Variants in CALN1 observed in about 807,000 individuals in gnomAD.
CALN1 encodes the protein calneuron 1.
Under a neutral mutation model 30.6 loss-of-function variants are expected in CALN1, and 17 were observed. The ratio of observed to expected loss-of-function variants is 0.56; its 90% CI spans 0.38 to 0.83. The LOEUF is 0.83. Ranked by LOEUF, CALN1 falls within the 40% of genes least tolerant of loss-of-function variation. CALN1 has a pLI of 0.00. For missense variants in CALN1, 291 were observed against 354.9 expected, an observed-to-expected ratio of 0.82 and a Z score of 1.45; for synonymous variants, 156 against 131.4, an observed-to-expected ratio of 1.19 and a Z score of -1.28.
intron 2 of CALN1, among the ~76,000 whole-genome samples, chr7:72,328,273 C>A (rs908770881): frequency 3.3e-5 from 5 of 152,104 alleles, no homozygotes; most frequent in Admixed American, 1.3e-4. Flanking sequence ...AAGGGTGGGG[C>A]CAGGTGGAGA....
intron 3 of CALN1, among the ~76,000 whole-genome samples, chr7:72,242,518 C>T (rs1016449538): frequency 3.9e-5 from 6 of 152,132 alleles, no homozygotes; most frequent in African/African-American, 1.4e-4. Context: ...TTTTTACCTA[C>T]TCATAAACAA....
intron 2 of CALN1, among the ~76,000 whole-genome samples, chr7:72,302,098 G>A (rs1486140307): frequency 6.6e-6 from 1 of 152,110 alleles, no homozygotes; most frequent in Non-Finnish European, 1.5e-5. Context: ...GATGAAATAG[G>A]AGAGAAAATT....
intron 5 of CALN1, among the ~76,000 whole-genome samples, chr7:71,983,834 T>C (rs1463498325): frequency 1.3e-5 from 2 of 152,120 alleles, no homozygotes; most frequent in Non-Finnish European, 2.9e-5. Context: ...ACCCAGCTGA[T>C]TGGATGCTTT....
chr7:71,886,639 G>T (rs1450523227), intron 5 of CALN1, among the ~76,000 whole-genome samples: 2 of 152,066 alleles, frequency 1.3e-5, no homozygotes, highest in Non-Finnish European at 2.9e-5. Context: ...CAGGCTTGGT[G>T]GTGGGCGCCT....
Position 72,280,118 on chromosome 7 carries a change from AC to A in CALN1, c.120-1309del, listed in dbSNP as rs149502457. ...CCAGACATTTCCACCCGGATGTCAA[AC>A]CCTCATTTCAAACTCAAAATGTCTA... On this transcript the variant is annotated intron_variant, in intron 2 of 6. Transcript: ENST00000395275. Among the ~76,000 whole-genome samples the A allele has an allele frequency of 3.2e-4, 48 of 152,314 alleles. No individual in the cohort carries two copies. In the East Asian group the frequency reaches 8.9e-3, roughly 28 times the overall value.
chr7:71,972,275 G>A (rs947800491), intron 5 of CALN1, among the ~76,000 whole-genome samples: 5 of 152,144 alleles, frequency 3.3e-5, no homozygotes, highest in Non-Finnish European at 7.3e-5. Flanking sequence ...TTTTTCAATA[G>A]TGGGCGTTTG....
At chr7:72,340,235 G>C (rs558737556) in intron 2 of CALN1, among the ~76,000 whole-genome samples, 2 of 152,102 alleles carry the variant, frequency 1.3e-5, no homozygotes, top group African/African-American at 4.8e-5. Flanking sequence ...GAAAATCTTT[G>C]AACTCACTTA....
chr7:72,107,763 G>T (rs1807279633), intron 3 of CALN1, among the ~76,000 whole-genome samples: 1 of 152,208 alleles, frequency 6.6e-6, no homozygotes, highest in African/African-American at 2.4e-5. Context: ...AAGTCAACTA[G>T]TATTGACTTT....
chr7:71,838,175 T>C (rs1789731539), intron 5 of CALN1, among the ~76,000 whole-genome samples: 1 of 152,142 alleles, frequency 6.6e-6, no homozygotes, highest in Non-Finnish European at 1.5e-5. Context: ...AACTCTGCCA[T>C]GGTTAATATG....
chr7:71,880,876 G>A (rs1219028274), intron 5 of CALN1, among the ~76,000 whole-genome samples: 2 of 152,064 alleles, frequency 1.3e-5, no homozygotes, highest in Non-Finnish European at 2.9e-5. Flanking sequence ...TGAATATTGA[G>A]TGCCAACTTG....
chr7:72,132,011 G>A (rs895284625), intron 3 of CALN1, among the ~76,000 whole-genome samples: 3 of 152,108 alleles, frequency 2.0e-5, no homozygotes, highest in African/African-American at 7.2e-5. Context: ...AACTCTCAGT[G>A]AATAATGAAG....
intron 3 of CALN1, among the ~76,000 whole-genome samples, chr7:72,217,426 G>A (rs926225725): frequency 6.6e-6 from 1 of 152,142 alleles, no homozygotes; most frequent in African/African-American, 2.4e-5. Flanking sequence ...CCTGGTCCAT[G>A]CCAATAAAGC....
intron 5 of CALN1, among the ~76,000 whole-genome samples, chr7:71,937,502 TAA>T: frequency 6.6e-6 from 1 of 152,196 alleles, no homozygotes; most frequent in South Asian, 2.1e-4. Context: ...TATATATGTA[TAA>T]AACTTTCCCT....
At chr7:72,334,581 G>A (rs1165358184) in intron 2 of CALN1, among the ~76,000 whole-genome samples, 5 of 151,886 alleles carry the variant, frequency 3.3e-5, no homozygotes, top group Admixed American at 2.6e-4. Flanking sequence ...CTTGCCCATC[G>A]TTTCTCAACA....
intron 2 of CALN1, among the ~76,000 whole-genome samples, chr7:72,387,283 AGGGAGGG>A (rs1562939135): frequency 0.013 from 523 of 40,864 alleles, 38 homozygotes; most frequent in African/African-American, 0.046. Context: ...GAAGGGAGGG[AGGGAGGG>A]AGGGAGGGAG....
chr7:71,809,794 G>A (rs1787835812), intron 6 of CALN1, among the ~76,000 whole-genome samples: 1 of 151,490 alleles, frequency 6.6e-6, no homozygotes, highest in African/African-American at 2.4e-5. Flanking sequence ...GTAACTACTT[G>A]GTTAAGTTCA....
chr7:71,799,969 G>T (rs1205807205), intron 6 of CALN1, among the ~76,000 whole-genome samples: 1 of 152,166 alleles, frequency 6.6e-6, no homozygotes, highest in Non-Finnish European at 1.5e-5. Context: ...TTTATTTCAG[G>T]AAAGTCACAG....
intron 5 of CALN1, among the ~76,000 whole-genome samples, chr7:71,921,594 A>G (rs1244778354): frequency 6.6e-6 from 1 of 152,200 alleles, no homozygotes; most frequent in Non-Finnish European, 1.5e-5. Flanking sequence ...GTGAGGTGCC[A>G]TAATATTCAG....
At chr7:71,871,357 T>C (rs1222267520) in intron 5 of CALN1, among the ~76,000 whole-genome samples, 3 of 152,168 alleles carry the variant, frequency 2.0e-5, no homozygotes, top group Non-Finnish European at 4.4e-5. Flanking sequence ...CTGTAGCCTG[T>C]AGGGCTTTCT....
Sources: allele counts gnomAD v4.1 joint callset (sites outside exome capture counted in the v4.1 genomes callset), GRCh38; gene constraint gnomAD v4.1.1; transcripts MANE v1.5; gene names NCBI Gene and HGNC (gene_info 2026-07-23, HGNC 2026-07-21).